The following PIP4P2 variants were observed in gnomAD, a reference collection of about 807,000 sequenced individuals.
The protein encoded by PIP4P2 is type 2 phosphatidylinositol 4,5-bisphosphate 4-phosphatase.
PIP4P2 carries 19 observed loss-of-function variants against 33.3 expected under a neutral mutation model. The observed-to-expected ratio is 0.57, with a 90% confidence interval of 0.40 to 0.84. The LOEUF is 0.84. Ranked by LOEUF, PIP4P2 falls within the 40% of genes least tolerant of loss-of-function variation. The pLI, the probability that PIP4P2 is intolerant of heterozygous loss-of-function variation, is 0.00. For missense variants in PIP4P2, 270 were observed against 324.7 expected (o/e 0.83, Z 1.29); for synonymous variants, 110 against 111.9 (o/e 0.98, Z 0.11).
rs182843181 is a variant in PIP4P2 at position 91,008,062 on chromosome 8, T to G, written c.539+681A>C. Among the ~76,000 whole-genome samples, 9 of 152,306 alleles carry G rather than the reference T, an allele frequency of 5.9e-5. No homozygotes were observed. In the East Asian group the frequency reaches 1.7e-3, roughly 29 times the overall value. On this transcript the variant is annotated intron_variant, in intron 5 of 6. Transcript: ENST00000285419. ...CCATCTGCCTTTTCCTTTTGCTGATTCTGCTTTGCATACTTTTGCTATAAT... is the reference window on the plus strand; with the variant it reads ...CCATCTGCCTTTTCCTTTTGCTGATGCTGCTTTGCATACTTTTGCTATAAT...
chr8:91,033,794 T>C (rs1563569768), intron 1 of PIP4P2, among the ~76,000 whole-genome samples: 2 of 152,134 alleles, frequency 1.3e-5, no homozygotes. Context: ...ATTTATTTAT[T>C]TTTGAGACAG....
At chr8:91,014,496 G>A (rs903380976) in intron 4 of PIP4P2, among the ~76,000 whole-genome samples, 1 of 152,198 alleles carries the variant, frequency 6.6e-6, no homozygotes, top group South Asian at 2.1e-4. Flanking sequence ...CCTGACACAG[G>A]AAGACAAACA....
rs541345323 is a variant in PIP4P2, at chr8:91,020,078, C to T, written c.362+79G>A. The T allele has an allele frequency of 2.2e-3, 3,041 of 1,387,994 alleles. 12 individuals carry two copies. The highest frequency in any genetic ancestry group is 2.8e-3 in the Non-Finnish European group (2,788 of 989,332). 86.0% of individuals were successfully genotyped at this position (1,387,994 alleles called of 1,614,324 possible). On this transcript the variant is annotated intron_variant, in intron 3 of 6. Coordinates refer to ENST00000285419, the MANE Select transcript of PIP4P2 (RefSeq NM_018710.3). Reference sequence around the variant, plus strand: ...AACAAAAACTCTTTCTAGAACAAAGCCTGGCACTGAAGAACCTTTAGTAAA... The same window carrying T: ...AACAAAAACTCTTTCTAGAACAAAGTCTGGCACTGAAGAACCTTTAGTAAA...
At chr8:90,998,249 A>G (rs10106570) in intron 5 of PIP4P2, among the ~76,000 whole-genome samples, 71,742 of 151,966 alleles carry the variant, frequency 0.47, 20,313 homozygotes, top group Non-Finnish European at 0.64. Flanking sequence ...GAATAAGTCA[A>G]AAGTTTCTAA....
At position 91,017,267 on chromosome 8, in the gene PIP4P2, T is replaced by C. The variant is rs538239918; in HGVS notation, c.486+1123A>G. 5.9e-5 allele frequency among the ~76,000 whole-genome samples: 9 copies of C among 152,142 alleles called. No individual in the cohort carries two copies. In the South Asian group the frequency reaches 1.9e-3, roughly 32 times the overall value. On this transcript the variant is annotated intron_variant, in intron 4 of 6. Transcript: ENST00000285419. ...TACAAAAATTAGCCAGGTGTGGTGG[T>C]GTGCACCTATAATCCCAGCTACTTG...
At chr8:91,015,468 T>C (rs532877317) in intron 4 of PIP4P2, among the ~76,000 whole-genome samples, 1 of 152,042 alleles carries the variant, frequency 6.6e-6, no homozygotes, top group South Asian at 2.1e-4. Context: ...TCAAAAGAAA[T>C]ACCAATAGAA....
intron 1 of PIP4P2, among the ~76,000 whole-genome samples, chr8:91,031,227 T>C (rs973868071): frequency 2.6e-5 from 4 of 152,206 alleles, no homozygotes; most frequent in African/African-American, 9.6e-5. Context: ...ACTTGGAAAA[T>C]GCTTTTGTTA....
intron 5 of PIP4P2, among the ~76,000 whole-genome samples, chr8:91,005,340 G>C (rs1811751301): frequency 6.6e-6 from 1 of 152,012 alleles, no homozygotes; most frequent in South Asian, 2.1e-4. Flanking sequence ...CCTTTGCACA[G>C]GTAGCTCCTT....
intron 5 of PIP4P2, among the ~76,000 whole-genome samples, chr8:91,005,460 G>C (rs1811752152): frequency 6.6e-6 from 1 of 152,042 alleles, no homozygotes; most frequent in Non-Finnish European, 1.5e-5. Context: ...CTCTAATCTG[G>C]ATTAGGGACT....
At chr8:90,998,983 G>A (rs974936208) in intron 5 of PIP4P2, among the ~76,000 whole-genome samples, 2 of 151,978 alleles carry the variant, frequency 1.3e-5, no homozygotes, top group Non-Finnish European at 2.9e-5. Context: ...AGGGTGAACA[G>A]ACAACCTACA....
chr8:91,035,933 G>A (rs1812226587), intron 1 of PIP4P2, among the ~76,000 whole-genome samples: 1 of 151,936 alleles, frequency 6.6e-6, no homozygotes, highest in Admixed American at 6.6e-5. Flanking sequence ...GATTAGTTGG[G>A]CCTGAGAGGT....
At chr8:90,996,075 T>C (rs1811624730) in intron 6 of PIP4P2, among the ~76,000 whole-genome samples, 1 of 152,186 alleles carries the variant, frequency 6.6e-6, no homozygotes, top group African/African-American at 2.4e-5. Flanking sequence ...TTAATCCATG[T>C]AACTTCTTAC....
At chr8:91,030,993 C>A (rs1812155916) in intron 1 of PIP4P2, among the ~76,000 whole-genome samples, 2 of 152,122 alleles carry the variant, frequency 1.3e-5, no homozygotes, top group Admixed American at 1.3e-4. Context: ...ACTGCTTTGA[C>A]AAATAGAGGA....
chr8:91,031,425 A>C (rs1420526211), intron 1 of PIP4P2, among the ~76,000 whole-genome samples: 1 of 152,192 alleles, frequency 6.6e-6, no homozygotes, highest in Non-Finnish European at 1.5e-5. Flanking sequence ...CTCAAACAAT[A>C]AAATGTCATA....
At chr8:91,017,926 G>A (rs1305494971) in intron 4 of PIP4P2, among the ~76,000 whole-genome samples, 3 of 152,098 alleles carry the variant, frequency 2.0e-5, no homozygotes, top group Admixed American at 6.5e-5. Context: ...TCTAATTATG[G>A]GTAACAGTGT....
intron 1 of PIP4P2, among the ~76,000 whole-genome samples, chr8:91,031,908 TAAAATATAAAAG>T (rs1563569246): frequency 1.8e-4 from 27 of 152,206 alleles, no homozygotes; most frequent in African/African-American, 6.0e-4. Flanking sequence ...AACTGTGTCA[TAAAATATAAAAG>T]CCAAAGGTAA....
Position 91,034,333 on chromosome 8 carries a change from A to G in PIP4P2, c.106+6311T>C, listed in dbSNP as rs552141396. 9.2e-5 allele frequency among the ~76,000 whole-genome samples: 14 copies of G among 152,294 alleles called. No individual in the cohort carries two copies. The East Asian group carries it at 2.7e-3, about 29-fold the overall frequency. ...AAATGTGGGCATTATAAAACAGAAT[A>G]TAAGAATCCTGGAGCCTGATGCCTA... On this transcript the variant is annotated intron_variant, in intron 1 of 6. Coordinates refer to ENST00000285419, the MANE Select transcript of PIP4P2 (RefSeq NM_018710.3).
chr8:91,000,541 G>A (rs1020738524), intron 5 of PIP4P2, among the ~76,000 whole-genome samples: 1 of 151,718 alleles, frequency 6.6e-6, no homozygotes, highest in Non-Finnish European at 1.5e-5. Context: ...ATACCAGTTT[G>A]ACAGTTAATT....
In PIP4P2 at chr8:91,040,698, A is replaced by G. The variant is rs749129468; in HGVS notation, c.52T>C (p.Ser18Pro). The G allele has an allele frequency of 6.2e-7, 1 of 1,613,026 alleles. No homozygotes were observed. The highest frequency in any genetic ancestry group is 1.1e-5 in the South Asian group (1 of 91,020). The change falls in exon 1 of 7, where the codon TCC (serine) becomes CCC (proline). Residue 18 changes from serine to proline, a missense_variant. By Grantham distance (74) the Ser-to-Pro change is moderately conservative. Coordinates refer to ENST00000285419, the MANE Select transcript of PIP4P2 (RefSeq NM_018710.3). ...ERSPLLSASHSGNVTPTAPPY... is the reference protein window; with the variant it reads ...ERSPLLSASHPGNVTPTAPPY... ...GGGGCGGTGGGAGTGACATTTCCGG[A>G]GTGGGATGCTGACAGCAGAGGCGAG... is the stretch of plus-strand genomic sequence containing the variant.
Sources: allele counts gnomAD v4.1 joint callset (sites outside exome capture counted in the v4.1 genomes callset), GRCh38; gene constraint gnomAD v4.1.1; transcripts MANE v1.5; gene names NCBI Gene and HGNC (gene_info 2026-07-23, HGNC 2026-07-21).